Variants in L3MBTL3 observed in about 807,000 individuals in gnomAD.
The protein encoded by L3MBTL3 is L3MBTL histone methyl-lysine binding protein 3.
In L3MBTL3, 27 loss-of-function variants were observed where a neutral mutation model predicts 102.3. The observed-to-expected ratio is 0.26, with a 90% CI of 0.19 to 0.36. The LOEUF (loss-of-function observed/expected upper bound fraction) is 0.36, where lower values mean the gene tolerates loss of function less well. Ranked by LOEUF, L3MBTL3 falls within the 10% of genes least tolerant of loss-of-function variation. The pLI is 1.00. For missense variants in L3MBTL3, 798 were observed against 955.3 expected, an observed-to-expected ratio of 0.84 and a Z score of 2.17; for synonymous variants, 340 against 320.9, an observed-to-expected ratio of 1.06 and a Z score of -0.64.
At chr6:130,039,465 C>A in intron 2 of L3MBTL3, among the ~76,000 whole-genome samples, 1 of 152,070 alleles carries the variant, frequency 6.6e-6, no homozygotes, top group South Asian at 2.1e-4. Context: ...TCTTAAATCC[C>A]TTTTCATCTA....
At position 130,104,494 on chromosome 6, in the gene L3MBTL3, G is replaced by C. The variant is rs752847750; in HGVS notation, c.1805G>C (p.Gly602Ala). ...CGTATTTTTCCAGACCGCTTAAGTG[G>C]TGAGATGCCTCCGGCTAGTCCGTCA... ...KDRIFPDRLS[G>A]EMPPASPSFP... is the part of the protein sequence containing the mutation. Residue 602 changes from glycine to alanine, a missense_variant, in exon 19 of 23, where the codon GGT (glycine) becomes GCT (alanine). By Grantham distance (60) the Gly-to-Ala change is moderately conservative. Coordinates refer to ENST00000361794, the MANE Select transcript of L3MBTL3 (RefSeq NM_032438.4). The C allele has an allele frequency of 1.2e-6, 2 of 1,600,660 alleles. No individual in the cohort carries two copies. Among genetic ancestry groups the C allele is most frequent in the South Asian group, 1.1e-5 (1 of 87,932 alleles).
chr6:130,039,793 T>C (rs748342071), intron 2 of L3MBTL3, among the ~76,000 whole-genome samples: 1 of 152,222 alleles, frequency 6.6e-6, no homozygotes, highest in Non-Finnish European at 1.5e-5. Context: ...TATCTGCTTC[T>C]GCATTCTTGT....
chr6:130,060,242 G>A, intron 10 of L3MBTL3, 102 bp downstream of exon 10: 1 of 667,080 alleles, frequency 1.5e-6, no homozygotes, highest in Admixed American at 3.0e-5. Flanking sequence ...CAGGCATGGT[G>A]CTTACTGTTT....
intron 2 of L3MBTL3, among the ~76,000 whole-genome samples, chr6:130,038,772 C>T (rs992876446): frequency 6.6e-6 from 1 of 151,878 alleles, no homozygotes; most frequent in Non-Finnish European, 1.5e-5. Context: ...GTTTTAGTTT[C>T]GTATAATCCC....
At chr6:130,102,608 C>T (rs377381108) in intron 18 of L3MBTL3, among the ~76,000 whole-genome samples, 9 of 152,178 alleles carry the variant, frequency 5.9e-5, no homozygotes, top group South Asian at 4.1e-4. Flanking sequence ...CTGCTTCTCC[C>T]GGTTCATCTC....
intron 18 of L3MBTL3, among the ~76,000 whole-genome samples, chr6:130,102,592 G>T (rs1176678206): frequency 6.6e-6 from 1 of 152,094 alleles, no homozygotes; most frequent in African/African-American, 2.4e-5. Context: ...CATGATATTT[G>T]CCTGCCTGCT....
Position 130,133,628 on chromosome 6 carries a change from T to C in L3MBTL3, c.2136+7T>C. 6.2e-7 allele frequency: 1 copy of C among 1,612,534 alleles called. No individual in the cohort carries two copies. Among genetic ancestry groups the C allele is most frequent in the Non-Finnish European group, 8.5e-7 (1 of 1,179,876 alleles). ...CAAATGGAGCACAGACGAGGTATATTTTATTTTCTTTGCTGCCCGACACCA... is the reference window on the plus strand; with the variant it reads ...CAAATGGAGCACAGACGAGGTATATCTTATTTTCTTTGCTGCCCGACACCA... On this transcript the variant is annotated splice_region_variant and intron_variant, in intron 21 of 22. Transcript: ENST00000361794. This position sits in a 1 kb window ranked among gnomAD's most constrained non-coding sequence, Gnocchi z 4.9.
chr6:130,132,542 CAG>C (rs1246512335), intron 20 of L3MBTL3, among the ~76,000 whole-genome samples: 2 of 152,104 alleles, frequency 1.3e-5, no homozygotes, highest in African/African-American at 4.8e-5. Flanking sequence ...GGTGTGTGAG[CAG>C]AGAGGAAATG....
At chr6:130,051,100 G>T in intron 5 of L3MBTL3, 149 bp from the exon 6 acceptor site, 1 of 592,130 alleles carries the variant, frequency 1.7e-6, no homozygotes, top group Non-Finnish European at 2.9e-6. Flanking sequence ...CATACCCCCC[G>T]AAAACACTAT....
rs551966567 is a variant in L3MBTL3 at position 130,086,488 on chromosome 6, A to G, written c.1518+238A>G. Among the ~76,000 whole-genome samples, 3 of 152,340 alleles carry G rather than the reference A, an allele frequency of 2.0e-5. No homozygotes were observed. In the South Asian group the frequency reaches 6.2e-4, roughly 32 times the overall value. ...ATATTTTGAGTATGTATTTGGAGAA[A>G]GAAAGTAGATACAACACATTAAAGT... On this transcript the variant is annotated intron_variant, in intron 16 of 22. Transcript: ENST00000361794.
At chr6:130,120,148 G>T (rs954926153) in intron 19 of L3MBTL3, among the ~76,000 whole-genome samples, 1 of 152,084 alleles carries the variant, frequency 6.6e-6, no homozygotes, top group Admixed American at 6.6e-5. Context: ...TTGCAAAATG[G>T]GGTTTATTGT....
At chr6:130,068,181 A>G (rs1782390582) in intron 11 of L3MBTL3, 149 bp from the exon 12 acceptor site, 1 of 551,430 alleles carries the variant, frequency 1.8e-6, no homozygotes. Flanking sequence ...TAGTCTAAAT[A>G]TGCATAGTTA....
chr6:130,128,313 C>T (rs2114365027), intron 20 of L3MBTL3, among the ~76,000 whole-genome samples: 1 of 152,200 alleles, frequency 6.6e-6, no homozygotes, highest in East Asian at 1.9e-4. Context: ...TTAAATGGTA[C>T]TTAACAGTGT....
rs149665947 is a variant in L3MBTL3 at position 130,034,233 on chromosome 6, A to C, written c.-15-8452A>C. Among the ~76,000 whole-genome samples the C allele has an allele frequency of 1.6e-4, 25 of 152,354 alleles. No homozygotes were observed. In the East Asian group the frequency reaches 4.6e-3, roughly 28 times the overall value. ...CACACAAACTGTTTATCTCTAGTCA[A>C]AATGAGATACAGTAGATTCTTGACA... On this transcript the variant is annotated intron_variant, in intron 2 of 22. Transcript: ENST00000361794.
chr6:130,077,298 TAATG>T (rs1783014306), intron 13 of L3MBTL3, among the ~76,000 whole-genome samples: 1 of 152,158 alleles, frequency 6.6e-6, no homozygotes, highest in African/African-American at 2.4e-5. Context: ...AAGTGCATCT[TAATG>T]AATTATGTAT....
chr6:130,129,766 G>C (rs570817189), intron 20 of L3MBTL3, among the ~76,000 whole-genome samples: 1 of 152,250 alleles, frequency 6.6e-6, no homozygotes, highest in East Asian at 1.9e-4. Flanking sequence ...TTTAGAACAC[G>C]AGGCTCTGTT....
At chr6:130,020,207 C>G (rs1211347327) in intron 1 of L3MBTL3, among the ~76,000 whole-genome samples, 4 of 150,402 alleles carry the variant, frequency 2.7e-5, no homozygotes, top group Admixed American at 2.6e-4. Context: ...TCCTGGGCCC[C>G]GCGGGCCGTC....
chr6:130,033,303 G>A (rs763893967), intron 2 of L3MBTL3, among the ~76,000 whole-genome samples: 2 of 152,294 alleles, frequency 1.3e-5, no homozygotes, highest in South Asian at 2.1e-4. Context: ...GAAAAATGAC[G>A]TTTAGGAGTT....
In L3MBTL3 at chr6:130,073,358, T is replaced by C. The variant is rs1782753794; in HGVS notation, c.1244+2231T>C. On this transcript the variant is annotated intron_variant, in intron 13 of 22. Transcript: ENST00000361794. ...ATCTGTCCTGAATCAAACCTGTTTGTCTCCTTCTGTGCTTGGTGGGCTATG... is the reference window on the plus strand; with the variant it reads ...ATCTGTCCTGAATCAAACCTGTTTGCCTCCTTCTGTGCTTGGTGGGCTATG... 1.3e-5 allele frequency among the ~76,000 whole-genome samples: 2 copies of C among 152,170 alleles called. 1 individual carries two copies. Among genetic ancestry groups the C allele is most frequent in the South Asian group, 4.1e-4 (2 of 4,832 alleles).
Sources: gnomAD v4.1 joint callset for allele counts (sites outside exome capture counted in the v4.1 genomes callset) on GRCh38, gnomAD v4.1.1 for gene constraint, Gnocchi (gnomAD v3.1) non-coding constraint, MANE v1.5 for transcripts, NCBI Gene and HGNC (gene_info 2026-07-23, HGNC 2026-07-21) for gene names.